IPO9: variants seen among roughly 807,000 people sequenced by gnomAD.
IPO9 encodes importin-9.
IPO9 carries 28 observed loss-of-function variants against 128.6 expected under a neutral mutation model. That is an observed-to-expected ratio of 0.22 (90% CI 0.16 to 0.30). The LOEUF (loss-of-function observed/expected upper bound fraction) is 0.30, where lower values mean the gene tolerates loss of function less well. IPO9 is among the 10% of genes least tolerant of loss of function. IPO9 has a pLI of 1.00. For synonymous variants in IPO9, 455 were observed against 475.8 expected (o/e 0.96, Z 0.57); for missense variants, 935 against 1,293.9 (o/e 0.72, Z 4.26).
rs371960849 is a variant in IPO9 at position 201,871,782 on chromosome 1, A to G, written c.2576+455A>G. On this transcript the variant is annotated intron_variant, in intron 19 of 23. Coordinates refer to ENST00000361565, the MANE Select transcript of IPO9 (RefSeq NM_018085.5). ...TATTCCCTTTTCCCTGTCTTTCTTT[A>G]TTGCTAACGCACATATGTGAATAGC... Among the ~76,000 whole-genome samples, 25 of 151,910 alleles carry G rather than the reference A, an allele frequency of 1.6e-4. No individual in the cohort carries two copies. The East Asian group carries it at 3.7e-3, about 22-fold the overall frequency.
Position 201,870,543 on chromosome 1 carries a change from C to T in IPO9, c.2134-40C>T. 6.3e-7 allele frequency: 1 copy of T among 1,591,740 alleles called. No individual in the cohort carries two copies. The highest frequency in any genetic ancestry group is 8.6e-7 in the Non-Finnish European group (1 of 1,166,980). On this transcript the variant is annotated intron_variant, in intron 17 of 23. Coordinates refer to ENST00000361565, the MANE Select transcript of IPO9 (RefSeq NM_018085.5). This position sits in a 1 kb window ranked among gnomAD's most constrained non-coding sequence, Gnocchi z 4.9. ...GACTGAGGGCCTTCTGGCATCTGTC[C>T]CTCGATTACTAATCTTGCTTGCCAC...
intron 20 of IPO9, among the ~76,000 whole-genome samples, chr1:201,873,444 C>CAAA (rs571580169): frequency 1.8e-3 from 102 of 57,962 alleles, no homozygotes; most frequent in East Asian, 4.4e-3. Flanking sequence ...GACTCCGTCT[C>CAAA]AAAAAAAAAA....
intron 1 of IPO9, among the ~76,000 whole-genome samples, chr1:201,846,001 G>A (rs529938334): frequency 1.3e-5 from 2 of 152,294 alleles, no homozygotes; most frequent in East Asian, 1.9e-4. Flanking sequence ...TCAGCTACTC[G>A]GGAGACTGAA....
chr1:201,851,179 C>CT (rs36020873), intron 4 of IPO9, among the ~76,000 whole-genome samples: 47,996 of 133,442 alleles, frequency 0.36, 9,467 homozygotes, highest in East Asian at 0.68. Context: ...CCACATGCAG[C>CT]TTTTTTTTTT....
chr1:201,831,280 G>A (rs1004602642), intron 1 of IPO9, among the ~76,000 whole-genome samples: 1 of 152,166 alleles, frequency 6.6e-6, no homozygotes, highest in Non-Finnish European at 1.5e-5. Flanking sequence ...TACTGGTAAT[G>A]TGCTGTTGGG....
intron 13 of IPO9, among the ~76,000 whole-genome samples, chr1:201,861,715 CAAGTT>C (rs1050100791): frequency 1.1e-4 from 17 of 152,120 alleles, no homozygotes; most frequent in African/African-American, 4.1e-4. Flanking sequence ...TGTGAGTAAA[CAAGTT>C]AAGCCCTGTG....
At chr1:201,853,686 G>A (rs1680266822) in intron 6 of IPO9, among the ~76,000 whole-genome samples, 2 of 152,148 alleles carry the variant, frequency 1.3e-5, no homozygotes, top group South Asian at 4.1e-4. Context: ...GAGTAGGTGA[G>A]ATCACCAGCA....
At chr1:201,864,256 T>C (rs928784032) in intron 14 of IPO9, among the ~76,000 whole-genome samples, 17 of 152,204 alleles carry the variant, frequency 1.1e-4, no homozygotes, top group African/African-American at 4.1e-4. Context: ...TGCCGTGTGT[T>C]ATATGTCATT....
rs1264573187 is a variant in IPO9, at chr1:201,852,146, C to T, written c.557C>T (p.Ala186Val). ...EVTDTQMPLV[A>V]PVILPEMYKI... ...ACAGACACACAGATGCCACTTGTTG[C>T]TCCTGTCATTCTCCCAGAGATGTAT... Residue 186 changes from alanine to valine, a missense_variant, in exon 5 of 24, where the codon GCT becomes GTT. By Grantham distance (64) the Ala-to-Val change is moderately conservative. Around this residue, in one of 3 missense-constraint regions of IPO9, gnomAD observed 741 missense variants for 1,019.1 expected, o/e 0.73. Transcript: ENST00000361565. 1 of 1,613,140 alleles carries T rather than the reference C, an allele frequency of 6.2e-7. No homozygotes were observed.
At position 201,882,879 on chromosome 1, in the gene IPO9, TC is replaced by T. The variant is rs1319621505; in HGVS notation, c.*6828del. On this transcript the variant is annotated 3_prime_UTR_variant, in exon 24 of 24. Transcript: ENST00000361565. ...AAAGCACCTCTAGTGGTGGAAGATG[TC>T]CCATCCTATCCCCCACCCATAGCTG... is the stretch of plus-strand genomic sequence containing the variant. 1 of 152,636 alleles carries T rather than the reference TC, an allele frequency of 6.6e-6. No individual in the cohort carries two copies. The highest frequency in any genetic ancestry group is 1.9e-4 in the East Asian group (1 of 5,204). The allele number at this position is 152,636 out of a possible 1,614,324, so 9.5% of individuals were successfully genotyped here.
Position 201,854,621 on chromosome 1 carries a change from C to T in IPO9, c.717C>T (p.Pro239=), listed in dbSNP as rs370807386. ...GTGCAGCCAAAGTCCTGATCTTTCC[C>T]GTGGTACAGCAGTTCACAGAGGCCT... The part of the protein sequence containing the change: ...EKGAAKVLIF[P]VVQQFTEAFV... Residue 239 remains proline, a synonymous_variant, in exon 7 of 24, where the codon CCC becomes CCT. Coordinates refer to ENST00000361565, the MANE Select transcript of IPO9 (RefSeq NM_018085.5). 146 of 1,613,928 alleles carry T rather than the reference C, an allele frequency of 9.0e-5. No individual in the cohort carries two copies. Among genetic ancestry groups the T allele is most frequent in the Non-Finnish European group, 1.2e-4 (138 of 1,180,028 alleles).
chr1:201,866,728 T>G lies in IPO9; in HGVS notation c.1629-5T>G. The G allele has an allele frequency of 1.2e-6, 2 of 1,607,518 alleles. No homozygotes were observed. Among genetic ancestry groups the G allele is most frequent in the Non-Finnish European group, 1.7e-6 (2 of 1,174,122 alleles). ...AATAATTCTTGCTTATCTATCTCTC[T>G]CTAGTTATTGTGACCAACTGAAAGT... On this transcript the variant is annotated splice_region_variant and splice_polypyrimidine_tract_variant and intron_variant, in intron 14 of 23. Coordinates refer to ENST00000361565, the MANE Select transcript of IPO9 (RefSeq NM_018085.5).
chr1:201,831,029 G>GTC (rs1679823380), intron 1 of IPO9, among the ~76,000 whole-genome samples: 1 of 151,906 alleles, frequency 6.6e-6, no homozygotes. Context: ...TTGAGACTGG[G>GTC]TCTCGCTCTA....
chr1:201,836,699 G>A (rs1041756429), intron 1 of IPO9, among the ~76,000 whole-genome samples: 3 of 152,184 alleles, frequency 2.0e-5, no homozygotes, highest in Non-Finnish European at 4.4e-5. Flanking sequence ...TAGTAGGTAT[G>A]TGGTCTAGAC....
At chr1:201,836,363 C>G (rs896987127) in intron 1 of IPO9, among the ~76,000 whole-genome samples, 1 of 152,000 alleles carries the variant, frequency 6.6e-6, no homozygotes, top group Non-Finnish European at 1.5e-5. Flanking sequence ...TCTGGCTTTT[C>G]CTTCTTTGCA....
chr1:201,847,312 A>C lies in IPO9; in HGVS notation c.197A>C (p.Asp66Ala). The change falls in exon 2 of 24, where the codon GAT (aspartate) becomes GCT (alanine). Residue 66 changes from aspartate to alanine, a missense_variant. Asp to Ala is a moderately radical substitution (Grantham distance 126). Transcript: ENST00000361565. ...GTTCACTTGGCAGAACTGACTGTAG[A>C]TCCCCAGGGGGCACTGGCAATCCGT... ...FGVHLAELTV[D>A]PQGALAIRQL... The C allele has an allele frequency of 6.2e-7, 1 of 1,614,100 alleles. No homozygotes were observed. The highest frequency in any genetic ancestry group is 8.5e-7 in the Non-Finnish European group (1 of 1,179,980).
In IPO9 at chr1:201,870,475, C is replaced by A. The variant is rs1045392716; in HGVS notation, c.2134-108C>A. The A allele has an allele frequency of 6.8e-5, 85 of 1,256,422 alleles. No individual in the cohort carries two copies. The highest frequency in any genetic ancestry group is 9.1e-5 in the Non-Finnish European group (84 of 920,488). The allele number at this position is 1,256,422 out of a possible 1,614,324, so 77.8% of individuals were successfully genotyped here. On this transcript the variant is annotated intron_variant, in intron 17 of 23. Transcript: ENST00000361565. This position sits in a 1 kb window ranked among gnomAD's most constrained non-coding sequence, Gnocchi z 4.9. ...CCCACCACAAACATTATAGACTCAC[C>A]GCTTTTATGAGGCATAGGCCTCTGG... is the stretch of plus-strand genomic sequence containing the variant.
In IPO9 at chr1:201,869,697, A is replaced by G. The variant is rs1680613406; in HGVS notation, c.2112A>G (p.Thr704=). The change falls in exon 17 of 24, where the codon ACA becomes ACG. Residue 704 remains threonine (T), a synonymous_variant. Transcript: ENST00000361565. ...CTGTGGCACAGTGTACCCTTCACACAGATGACAATGCCACCATGCAGGTAT... is the reference window on the plus strand; with the variant it reads ...CTGTGGCACAGTGTACCCTTCACACGGATGACAATGCCACCATGCAGGTAT... ...FPAVAQCTLH[T]DDNATMQNGG... The G allele has an allele frequency of 1.2e-6, 2 of 1,614,040 alleles. No individual in the cohort carries two copies. Among genetic ancestry groups the G allele is most frequent in the South Asian group, 1.1e-5 (1 of 91,066 alleles).
At chr1:201,862,010 A>G (rs1158001755) in intron 13 of IPO9, among the ~76,000 whole-genome samples, 1 of 152,198 alleles carries the variant, frequency 6.6e-6, no homozygotes, top group Non-Finnish European at 1.5e-5. Flanking sequence ...TTTGGAAACC[A>G]TAAAGGGAAA....
Sources: gnomAD v4.1 joint callset for allele counts (sites outside exome capture counted in the v4.1 genomes callset) on GRCh38, gnomAD v4.1.1 for gene constraint, gnomAD v4.1.1 regional missense constraint, Gnocchi (gnomAD v3.1) non-coding constraint, MANE v1.5 for transcripts, NCBI Gene and HGNC (gene_info 2026-07-23, HGNC 2026-07-21) for gene names.